The following ARIH1 variants were observed in gnomAD, a reference collection of about 807,000 sequenced individuals.
ARIH1 encodes ariadne RBR E3 ubiquitin protein ligase 1.
Under a neutral mutation model 85.0 loss-of-function variants are expected in ARIH1, and 8 were observed. The observed-to-expected ratio is 0.09, with a 90% confidence interval of 0.06 to 0.17. The LOEUF is 0.17. ARIH1 is among the 10% of genes least tolerant of loss of function. The probability of loss-of-function intolerance (pLI) is 1.00; values close to 1 mark genes in which losing one functional copy is unlikely to be tolerated. For synonymous variants in ARIH1, 238 were observed against 253.6 expected (o/e 0.94, Z 0.59); for missense variants, 311 against 718.1 (o/e 0.43, Z 6.48).
intron 1 of ARIH1, among the ~76,000 whole-genome samples, chr15:72,490,010 A>G (rs994896735): frequency 3.9e-5 from 6 of 152,148 alleles, no homozygotes; most frequent in African/African-American, 1.4e-4. Context: ...GAAAAGGATG[A>G]TAATAATGGA....
chr15:72,505,900 A>G (rs2063922577), intron 1 of ARIH1, among the ~76,000 whole-genome samples: 1 of 151,884 alleles, frequency 6.6e-6, no homozygotes, highest in Admixed American at 6.6e-5. Context: ...CATAGCGGGT[A>G]ATTTTTTGTG....
rs751458550 is a variant in ARIH1, at chr15:72,479,867, C to CT, written c.375+4866dup. On this transcript the variant is annotated intron_variant, in intron 1 of 13. Coordinates refer to ENST00000379887, the MANE Select transcript of ARIH1 (RefSeq NM_005744.5). ...AAACTAAGGAAGACAGTGTACTATT[C>CT]TTTTTTTTTTTTTCGTTTGAGACGG... Among the ~76,000 whole-genome samples, 1,213 of 143,110 alleles carry CT rather than the reference C, an allele frequency of 8.5e-3. 12 individuals carry two copies. The highest frequency in any genetic ancestry group is 0.027 in the African/African-American group (1,055 of 39,256). 93.9% of individuals were successfully genotyped at this position (143,110 alleles called of 152,430 possible).
At chr15:72,541,014 CAA>C (rs997059108) in intron 2 of ARIH1, among the ~76,000 whole-genome samples, 1 of 152,084 alleles carries the variant, frequency 6.6e-6, no homozygotes, top group Non-Finnish European at 1.5e-5. Context: ...TGAGAAAAGA[CAA>C]GAGACAAAGT....
intron 2 of ARIH1, among the ~76,000 whole-genome samples, chr15:72,533,871 C>T (rs2064069205): frequency 6.6e-6 from 1 of 152,034 alleles, no homozygotes. Context: ...TATGCCACTG[C>T]ACTACAACCT....
At chr15:72,557,099 C>A (rs557642325) in intron 5 of ARIH1, among the ~76,000 whole-genome samples, 1 of 152,050 alleles carries the variant, frequency 6.6e-6, no homozygotes, top group East Asian at 1.9e-4. Context: ...TATTTTTTTA[C>A]TTTTTAAAAT....
chr15:72,539,038 A>G (rs1279030450), intron 2 of ARIH1, among the ~76,000 whole-genome samples: 2 of 152,230 alleles, frequency 1.3e-5, no homozygotes, highest in East Asian at 3.8e-4. Flanking sequence ...AAGGATAGGC[A>G]GGGTTACAGG....
At chr15:72,480,389 G>A (rs1377766026) in intron 1 of ARIH1, among the ~76,000 whole-genome samples, 1 of 151,046 alleles carries the variant, frequency 6.6e-6, no homozygotes, top group Non-Finnish European at 1.5e-5. Flanking sequence ...AGCCTCTCAA[G>A]TAACTGGGAT....
At chr15:72,563,961 A>G (rs2064208169) in intron 7 of ARIH1, among the ~76,000 whole-genome samples, 1 of 152,134 alleles carries the variant, frequency 6.6e-6, no homozygotes. Context: ...GGAGTTCTAT[A>G]GTATACTCTT....
chr15:72,492,685 T>C (rs2063864272), intron 1 of ARIH1, among the ~76,000 whole-genome samples: 1 of 152,172 alleles, frequency 6.6e-6, no homozygotes, highest in South Asian at 2.1e-4. Context: ...CTAAAAATGT[T>C]GTCTGTTTTT....
rs1453824506 is a variant in ARIH1, at chr15:72,584,047, CTT to C, written c.*757_*758del. ...GTGCATTTTCTTTCAGTTTGCTTATCTTTCCCGGGTTGGGGTTGGGATAAAGG... is the reference window on the plus strand; with the variant it reads ...GTGCATTTTCTTTCAGTTTGCTTATCTCCCGGGTTGGGGTTGGGATAAAGG... On this transcript the variant is annotated 3_prime_UTR_variant, in exon 14 of 14. Coordinates refer to ENST00000379887, the MANE Select transcript of ARIH1 (RefSeq NM_005744.5). 1.3e-5 allele frequency: 2 copies of C among 152,212 alleles called. No homozygotes were observed. Among genetic ancestry groups the C allele is most frequent in the Non-Finnish European group, 2.9e-5 (2 of 68,034 alleles). 9.4% of individuals were successfully genotyped at this position (152,212 alleles called of 1,614,324 possible). A position where few individuals can be genotyped will look rare whatever the true frequency, so the allele number is the denominator to read the frequency against.
intron 5 of ARIH1, among the ~76,000 whole-genome samples, chr15:72,560,683 C>CT (rs2064193865): frequency 6.6e-6 from 1 of 152,118 alleles, no homozygotes; most frequent in South Asian, 2.1e-4. Flanking sequence ...TAGGAGTGCA[C>CT]TGAAAGTGCC....
chr15:72,550,796 C>T (rs1377917820), intron 3 of ARIH1, among the ~76,000 whole-genome samples: 13 of 152,054 alleles, frequency 8.5e-5, no homozygotes, highest in African/African-American at 2.9e-4. Context: ...CTCAGCTTCC[C>T]GAGTAGCTGG....
At chr15:72,528,290 TGAA>T (rs986997521) in intron 2 of ARIH1, among the ~76,000 whole-genome samples, 15 of 152,288 alleles carry the variant, frequency 9.8e-5, no homozygotes, top group African/African-American at 3.6e-4. Flanking sequence ...TAAAGAATCC[TGAA>T]GAAGGATTTC....
chr15:72,484,399 G>A (rs2063828839), intron 1 of ARIH1, among the ~76,000 whole-genome samples: 1 of 151,774 alleles, frequency 6.6e-6, no homozygotes, highest in African/African-American at 2.4e-5. Context: ...AGTTTGTAGT[G>A]TTTTATCTCT....
At chr15:72,506,373 A>AAAAG (rs2063925854) in intron 1 of ARIH1, among the ~76,000 whole-genome samples, 1 of 150,234 alleles carries the variant, frequency 6.7e-6, no homozygotes, top group African/African-American at 2.4e-5. Flanking sequence ...AAAGAAAAAA[A>AAAAG]AAAAGAACTT....
Position 72,596,971 on chromosome 15 carries a change from T to G in ARIH1, c.*13679T>G, listed in dbSNP as rs1201260000. On this transcript the variant is annotated 3_prime_UTR_variant, in exon 14 of 14. Transcript: ENST00000379887. The stretch of plus-strand genomic sequence containing the variant: ...TTTCTTTCATTTTTAATCAGTTATT[T>G]TAAGGATCCAAACTGATAATTCAAC... The G allele has an allele frequency of 6.6e-6, 1 of 152,178 alleles. No individual in the cohort carries two copies. The highest frequency in any genetic ancestry group is 2.4e-5 in the African/African-American group (1 of 41,442). 9.4% of individuals were successfully genotyped at this position (152,178 alleles called of 1,614,324 possible).
intron 1 of ARIH1, among the ~76,000 whole-genome samples, chr15:72,490,717 G>A (rs2063855765): frequency 1.3e-5 from 2 of 152,120 alleles, no homozygotes; most frequent in Admixed American, 1.3e-4. Flanking sequence ...AGGGATGGGA[G>A]AGGAAGCAGG....
At chr15:72,509,088 T>G (rs2063939162) in intron 1 of ARIH1, among the ~76,000 whole-genome samples, 1 of 151,764 alleles carries the variant, frequency 6.6e-6, no homozygotes. Flanking sequence ...CTTCCTGGGT[T>G]CAGGTGATTC....
chr15:72,479,989 T>TC, intron 1 of ARIH1, among the ~76,000 whole-genome samples: 1 of 152,074 alleles, frequency 6.6e-6, no homozygotes, highest in African/African-American at 2.4e-5. Flanking sequence ...TGCCTCAGCC[T>TC]CCCGAGTAGC....
Sources: allele counts gnomAD v4.1 joint callset (sites outside exome capture counted in the v4.1 genomes callset), GRCh38; gene constraint gnomAD v4.1.1; transcripts MANE v1.5; gene names NCBI Gene and HGNC (gene_info 2026-07-23, HGNC 2026-07-21).